VPS37A: variants seen among roughly 807,000 people sequenced by gnomAD.
VPS37A encodes VPS37A subunit of ESCRT-I.
A neutral mutation model predicts 49.8 loss-of-function variants in VPS37A; 30 were observed. The ratio of observed to expected loss-of-function variants is 0.60; its 90% CI spans 0.45 to 0.82. The LOEUF is 0.82. Ranked by LOEUF, VPS37A falls within the 40% of genes least tolerant of loss-of-function variation. The probability of loss-of-function intolerance (pLI) is 0.00; values close to 1 mark genes in which losing one functional copy is unlikely to be tolerated. For missense variants in VPS37A, 593 were observed against 464.4 expected, an observed-to-expected ratio of 1.28 and a Z score of -2.55; for synonymous variants, 195 against 160.6, an observed-to-expected ratio of 1.21 and a Z score of -1.62.
In VPS37A at chr8:17,247,135, G is replaced by C. The variant is rs1339248644; in HGVS notation, c.-110G>C. The C allele has an allele frequency of 1.4e-6, 2 of 1,457,972 alleles. No homozygotes were observed. Among genetic ancestry groups the C allele is most frequent in the African/African-American group, 1.4e-5 (1 of 70,888 alleles). 90.3% of individuals were successfully genotyped at this position (1,457,972 alleles called of 1,614,324 possible). On this transcript the variant is annotated 5_prime_UTR_variant, in exon 1 of 12. Transcript: ENST00000324849. ...AGAAGACGCGGTCCCCAGCGCTTGG[G>C]CCACGGACGTCCCACCCCGCTCCTC... is the stretch of plus-strand genomic sequence containing the variant.
chr8:17,327,909 A>G, the VPS37A span, among the ~76,000 whole-genome samples: 1 of 152,210 alleles, frequency 6.6e-6, no homozygotes, highest in African/African-American at 2.4e-5. Context: ...TATACAGTAC[A>G]GATAATACCA....
At chr8:17,329,134 G>A in the VPS37A span, among the ~76,000 whole-genome samples, 15 of 152,256 alleles carry the variant, frequency 9.9e-5, no homozygotes, top group African/African-American at 2.2e-4. Context: ...TGAATGAAAC[G>A]CATCATTCAT....
chr8:17,317,764 T>G, the VPS37A span, among the ~76,000 whole-genome samples: 1 of 152,226 alleles, frequency 6.6e-6, no homozygotes, highest in Non-Finnish European at 1.5e-5. Context: ...TTTAGCTTAC[T>G]TTGGGGTTTC....
chr8:17,267,948 C>T (rs1031743742), intron 2 of VPS37A, among the ~76,000 whole-genome samples: 1 of 152,132 alleles, frequency 6.6e-6, no homozygotes. Context: ...CTAATTTCTA[C>T]CTAAGATTTT....
chr8:17,294,943 ATCT>A (rs1816510820), intron 11 of VPS37A, 41 bp from the exon 12 acceptor site: 1 of 152,296 alleles, frequency 6.6e-6, no homozygotes, highest in Admixed American at 6.5e-5. Context: ...ATACATATTC[ATCT>A]TCTTAAATAT....
chr8:17,266,513 A>G (rs1346606236), intron 2 of VPS37A, among the ~76,000 whole-genome samples: 1 of 152,212 alleles, frequency 6.6e-6, no homozygotes, highest in South Asian at 2.1e-4. Flanking sequence ...TGAAGTAGCA[A>G]TTTAGCCTTA....
chr8:17,303,602 C>T (rs1235522899), downstream of VPS37A, among the ~76,000 whole-genome samples: 4 of 124,644 alleles, frequency 3.2e-5, no homozygotes, highest in Non-Finnish European at 1.6e-5. Context: ...TCTCCCCATA[C>T]ATACAATCTT....
At chr8:17,252,979 A>G (rs1812113956) in intron 1 of VPS37A, among the ~76,000 whole-genome samples, 1 of 152,192 alleles carries the variant, frequency 6.6e-6, no homozygotes, top group Non-Finnish European at 1.5e-5. Context: ...ATTAAATTAT[A>G]TTGTCTATTT....
At chr8:17,258,110 CT>C in intron 1 of VPS37A, among the ~76,000 whole-genome samples, 1 of 152,214 alleles carries the variant, frequency 6.6e-6, no homozygotes, top group East Asian at 1.9e-4. Context: ...GCTAATTTAA[CT>C]TCTCTTTTCC....
downstream of VPS37A, among the ~76,000 whole-genome samples, chr8:17,300,650 T>C (rs1197199236): frequency 6.6e-6 from 1 of 152,238 alleles, no homozygotes; most frequent in East Asian, 1.9e-4. Flanking sequence ...TTTTAAAGTA[T>C]ACAATTCAGT....
At chr8:17,275,058 A>G in intron 5 of VPS37A, 100 bp downstream of exon 5, 2 of 1,114,318 alleles carry the variant, frequency 1.8e-6, no homozygotes, top group Non-Finnish European at 2.6e-6. Context: ...TAAGTTAGAC[A>G]CAAAATATGA....
At chr8:17,278,157 T>A (rs2150398126) in intron 6 of VPS37A, among the ~76,000 whole-genome samples, 1 of 152,210 alleles carries the variant, frequency 6.6e-6, no homozygotes, top group Non-Finnish European at 1.5e-5. Flanking sequence ...TCAATTCTTT[T>A]GCCAATACTT....
chr8:17,247,158 C>T lies in VPS37A; in HGVS notation c.-87C>T. 1 of 1,536,858 alleles carries T rather than the reference C, an allele frequency of 6.5e-7. No homozygotes were observed. ...GGGCCACGGACGTCCCACCCCGCTCCTCTGTCGCTGGAGAACCGCCGGGCC... is the reference window on the plus strand; with the variant it reads ...GGGCCACGGACGTCCCACCCCGCTCTTCTGTCGCTGGAGAACCGCCGGGCC... On this transcript the variant is annotated 5_prime_UTR_variant, in exon 1 of 12. Coordinates refer to ENST00000324849, the MANE Select transcript of VPS37A (RefSeq NM_152415.3).
the VPS37A span, among the ~76,000 whole-genome samples, chr8:17,327,641 T>TA: frequency 9.4e-3 from 1,397 of 148,582 alleles, 10 homozygotes; most frequent in South Asian, 0.016. Context: ...AGAAACCTGG[T>TA]AAAAAAAAAA....
At chr8:17,310,503 G>T in the VPS37A span, among the ~76,000 whole-genome samples, 5 of 152,102 alleles carry the variant, frequency 3.3e-5, no homozygotes, top group African/African-American at 1.2e-4. Flanking sequence ...ATGTGTGCAG[G>T]AGAAGAGCCT....
chr8:17,302,464 A>G (rs1232333796), downstream of VPS37A: 1 of 568,778 alleles, frequency 1.8e-6, no homozygotes, highest in Non-Finnish European at 2.9e-6. Context: ...TGGGTCAGTA[A>G]ATGCCTTTTG....
chr8:17,248,366 G>C, intron 1 of VPS37A: 1 of 454,166 alleles, frequency 2.2e-6, no homozygotes, highest in Non-Finnish European at 4.4e-6. Context: ...CCGGATTCAA[G>C]CAATCATCCT....
At chr8:17,277,001 G>C (rs1040058951) in intron 6 of VPS37A, among the ~76,000 whole-genome samples, 7 of 151,988 alleles carry the variant, frequency 4.6e-5, no homozygotes, top group Non-Finnish European at 8.8e-5. Flanking sequence ...TTGCCATTCA[G>C]TTTTGGGAAG....
At chr8:17,302,936 C>T (rs1237631161), downstream of VPS37A, among the ~76,000 whole-genome samples, 1 of 151,904 alleles carries the variant, frequency 6.6e-6, no homozygotes, top group Admixed American at 6.6e-5. Flanking sequence ...GTCATGAACT[C>T]CTGACCTCAG....
Sources: gnomAD v4.1 joint callset for allele counts (sites outside exome capture counted in the v4.1 genomes callset) on GRCh38, gnomAD v4.1.1 for gene constraint, MANE v1.5 for transcripts, NCBI Gene and HGNC (gene_info 2026-07-23, HGNC 2026-07-21) for gene names.